NADK2: variants seen among roughly 807,000 people sequenced by gnomAD.
NADK2 encodes NAD kinase 2, mitochondrial, also known as NAD kinase domain-containing protein 1, mitochondrial.
A neutral mutation model predicts 62.1 loss-of-function variants in NADK2; 35 were observed. That is an observed-to-expected ratio of 0.56 (90% CI 0.43 to 0.75). The LOEUF is 0.75. NADK2 is among the 30% of genes least tolerant of loss of function. NADK2 has a pLI of 0.00. For missense variants in NADK2, 439 were observed against 561.3 expected (o/e 0.78, Z 2.20); for synonymous variants, 205 against 207.9 (o/e 0.99, Z 0.12).
rs1748105431 is a variant in NADK2, at chr5:36,241,273, C to T, written c.300+226G>A. On this transcript the variant is annotated intron_variant, in intron 1 of 11. Coordinates refer to ENST00000381937, the MANE Select transcript of NADK2 (RefSeq NM_001085411.3). This position sits in a 1 kb window ranked among gnomAD's most constrained non-coding sequence, Gnocchi z 4.9. ...CCTAAGTCCCTGCATGAACCACTGT[C>T]CCTCTCTCTCCCCCTCTCCCCGGCC... The T allele has an allele frequency of 2.3e-6, 2 of 852,400 alleles. No homozygotes were observed. The highest frequency in any genetic ancestry group is 3.2e-6 in the Non-Finnish European group (2 of 623,382). The allele number at this position is 852,400 out of a possible 1,614,324, so 52.8% of individuals were successfully genotyped here.
At chr5:36,230,984 G>C (rs1022406425) in intron 1 of NADK2, among the ~76,000 whole-genome samples, 1 of 152,066 alleles carries the variant, frequency 6.6e-6, no homozygotes, top group African/African-American at 2.4e-5. Context: ...AAACTTCAAG[G>C]GTAGCTGGCC....
At chr5:36,208,575 GA>G in intron 7 of NADK2, 2 of 1,287,836 alleles carry the variant, frequency 1.6e-6, no homozygotes, top group Non-Finnish European at 2.1e-6. Context: ...TCAGTTCATA[GA>G]ATTTTTGTTT....
At chr5:36,227,794 C>T (rs147652143) in intron 1 of NADK2, among the ~76,000 whole-genome samples, 1 of 151,544 alleles carries the variant, frequency 6.6e-6, no homozygotes, top group East Asian at 1.9e-4. Flanking sequence ...ATATAGTCAC[C>T]AGGATCTCAA....
rs779974257 is a variant in NADK2, at chr5:36,241,530, G to A, written c.269C>T (p.Ala90Val). The change falls in exon 1 of 12, where the codon GCG (alanine) becomes GTG (valine). Residue 90 changes from alanine to valine, a missense_variant. Ala to Val is a moderately conservative substitution (Grantham distance 64). Coordinates refer to ENST00000381937, the MANE Select transcript of NADK2 (RefSeq NM_001085411.3). The surrounding 1 kb of genome is among the most constrained non-coding windows in gnomAD (Gnocchi z 4.9). ...YEFEQQRYRY[A>V]ELSEEDLKQL... is the part of the protein sequence containing the mutation. Reference sequence around the variant, plus strand: ...CTTCAGGTCCTCCTCCGAGAGCTCCGCGTAACGGTACCGCTGCTGCTCGAA... The same window carrying A: ...CTTCAGGTCCTCCTCCGAGAGCTCCACGTAACGGTACCGCTGCTGCTCGAA... 1.3e-6 allele frequency: 2 copies of A among 1,568,536 alleles called. No homozygotes were observed. The highest frequency in any genetic ancestry group is 2.4e-5 in the East Asian group (1 of 41,350).
At chr5:36,231,802 C>T (rs1219654657) in intron 1 of NADK2, among the ~76,000 whole-genome samples, 1 of 152,184 alleles carries the variant, frequency 6.6e-6, no homozygotes, top group African/African-American at 2.4e-5. Context: ...TAGACAATGT[C>T]TTACCATTAA....
intron 7 of NADK2, among the ~76,000 whole-genome samples, chr5:36,209,661 C>T (rs1746766935): frequency 6.6e-6 from 1 of 152,048 alleles, no homozygotes; most frequent in South Asian, 2.1e-4. Flanking sequence ...CATATTGCTT[C>T]AAACTTTATA....
In NADK2 at chr5:36,195,259, CA is replaced by C. The variant is rs1257877908; in HGVS notation, c.1213del (p.Trp405GlyfsTer23). The C allele has an allele frequency of 6.2e-7, 1 of 1,610,604 alleles. No homozygotes were observed. The highest frequency in any genetic ancestry group is 1.1e-5 in the South Asian group (1 of 90,244). On this transcript the variant is annotated frameshift_variant, in exon 12 of 12. Coordinates refer to ENST00000381937, the MANE Select transcript of NADK2 (RefSeq NM_001085411.3). LOFTEE classifies it high-confidence loss of function. The stretch of plus-strand genomic sequence containing the variant: ...TCCATCCACAACCATACAGGCATCC[CA>C]ACAACGAGAACGAACACAAACCCTA... The part of the protein sequence containing the change: ...SSKVCVRSRC[W>X]DACMVVDGGT...
At chr5:36,223,196 T>C (rs1205386625) in intron 4 of NADK2, among the ~76,000 whole-genome samples, 1 of 151,950 alleles carries the variant, frequency 6.6e-6, no homozygotes, top group African/African-American at 2.4e-5. Flanking sequence ...AAAAGGTAGA[T>C]TTTACCCTAA....
At chr5:36,224,298 A>C (rs1354647437) in intron 4 of NADK2, among the ~76,000 whole-genome samples, 1 of 152,112 alleles carries the variant, frequency 6.6e-6, no homozygotes, top group Non-Finnish European at 1.5e-5. Flanking sequence ...ATAATGATGA[A>C]GAAACATTTG....
intron 10 of NADK2, 49 bp from the exon 11 acceptor site, chr5:36,197,713 G>A: frequency 6.9e-7 from 1 of 1,443,844 alleles, no homozygotes; most frequent in Non-Finnish European, 9.1e-7. Flanking sequence ...GGTCACTTCT[G>A]AGAAGGGCAA....
chr5:36,241,433 G>A lies in NADK2; in HGVS notation c.300+66C>T, dbSNP rs1006914319. ...AGTCGTCCCGAGAGGTCCCCCCGAG[G>A]GGGCGCAGCCGCCACCAGAGCCCCG... On this transcript the variant is annotated intron_variant, in intron 1 of 11. Transcript: ENST00000381937. This position sits in a 1 kb window ranked among gnomAD's most constrained non-coding sequence, Gnocchi z 4.9. The A allele has an allele frequency of 2.5e-5, 36 of 1,464,470 alleles. No homozygotes were observed. In the East Asian group the frequency reaches 2.6e-4, roughly 11 times the overall value. 90.7% of individuals were successfully genotyped at this position (1,464,470 alleles called of 1,614,324 possible).
At chr5:36,236,913 C>T (rs1271543018) in intron 1 of NADK2, among the ~76,000 whole-genome samples, 1 of 145,962 alleles carries the variant, frequency 6.9e-6, no homozygotes, top group Non-Finnish European at 1.5e-5. Flanking sequence ...GGAAGAAGAG[C>T]ATTCAAATCA....
intron 3 of NADK2, 126 bp downstream of exon 3, chr5:36,226,349 A>G: frequency 1.5e-6 from 1 of 647,184 alleles, no homozygotes; most frequent in South Asian, 2.3e-5. Context: ...TGATCGTAAC[A>G]ATCCAAAAAT....
chr5:36,208,627 T>C (rs1201887949), intron 7 of NADK2: 1 of 1,528,282 alleles, frequency 6.5e-7, no homozygotes, highest in African/African-American at 1.4e-5. Context: ...AAACTCACAG[T>C]CCCTTTAGAG....
intron 1 of NADK2, among the ~76,000 whole-genome samples, chr5:36,229,687 C>A (rs1030517382): frequency 6.6e-6 from 1 of 151,618 alleles, no homozygotes; most frequent in Non-Finnish European, 1.5e-5. Context: ...CCCAACCCGG[C>A]CTATCTTTAG....
intron 7 of NADK2, among the ~76,000 whole-genome samples, chr5:36,210,261 T>C (rs1015797351): frequency 2.3e-4 from 35 of 152,174 alleles, no homozygotes; most frequent in Admixed American, 2.2e-3. Context: ...TATATCACAG[T>C]AGTCATTTTA....
At chr5:36,221,134 C>T (rs1271467838) in intron 4 of NADK2, 1 of 152,220 alleles carries the variant, frequency 6.6e-6, no homozygotes, top group Non-Finnish European at 1.5e-5. Flanking sequence ...CTGACTACCA[C>T]ATGCCCTCTA....
chr5:36,238,647 A>C (rs573964002), intron 1 of NADK2, among the ~76,000 whole-genome samples: 8 of 152,216 alleles, frequency 5.3e-5, no homozygotes, highest in Admixed American at 3.9e-4. Context: ...GCAATTGCAC[A>C]TTTGCCAACA....
intron 6 of NADK2, among the ~76,000 whole-genome samples, chr5:36,215,783 T>C (rs984229946): frequency 1.3e-5 from 2 of 152,226 alleles, no homozygotes; most frequent in African/African-American, 2.4e-5. Flanking sequence ...GATTTCATTC[T>C]TTTTATGGGT....
Sources: allele counts gnomAD v4.1 joint callset (sites outside exome capture counted in the v4.1 genomes callset), GRCh38; gene constraint gnomAD v4.1.1; non-coding constraint Gnocchi (gnomAD v3.1); transcripts MANE v1.5; gene names NCBI Gene and HGNC (gene_info 2026-07-23, HGNC 2026-07-21).